The following SEMA6A variants were observed in gnomAD, a reference collection of about 807,000 sequenced individuals.
SEMA6A encodes semaphorin-6A.
In SEMA6A, 25 loss-of-function variants were observed where a neutral mutation model predicts 96.8. The ratio of observed to expected loss-of-function variants is 0.26; its 90% CI spans 0.19 to 0.36. SEMA6A has a LOEUF of 0.36. SEMA6A is among the 10% of genes least tolerant of loss of function. The pLI, the probability that SEMA6A is intolerant of heterozygous loss-of-function variation, is 1.00. For missense variants in SEMA6A, 1,363 were observed against 1,323.1 expected (o/e 1.03, Z -0.47); for synonymous variants, 612 against 518.0 (o/e 1.18, Z -2.46).
chr5:116,545,950 C>CT (rs1461368328), intron 1 of SEMA6A, among the ~76,000 whole-genome samples: 1 of 152,162 alleles, frequency 6.6e-6, no homozygotes, highest in East Asian at 1.9e-4. Flanking sequence ...CCTCATTTGC[C>CT]TTTTAAAGTC....
At chr5:116,555,657 G>T (rs1186896777) in intron 1 of SEMA6A, among the ~76,000 whole-genome samples, 2 of 151,522 alleles carry the variant, frequency 1.3e-5, no homozygotes. Flanking sequence ...TGAGCAACAT[G>T]GCAAGACCCC....
intron 3 of SEMA6A, chr5:116,499,005 GATA>G (rs1757745665): frequency 6.6e-6 from 1 of 152,286 alleles, no homozygotes; most frequent in Middle Eastern, 3.4e-3. Flanking sequence ...TTACAAAGTG[GATA>G]ATAATAAAGC....
At chr5:116,564,474 T>C (rs1354374278) in intron 1 of SEMA6A, among the ~76,000 whole-genome samples, 2 of 152,308 alleles carry the variant, frequency 1.3e-5, no homozygotes, top group African/African-American at 4.8e-5. Flanking sequence ...GAAAGTCCAC[T>C]TGAGAAATGG....
intron 1 of SEMA6A, among the ~76,000 whole-genome samples, chr5:116,543,337 A>G (rs1760054332): frequency 6.6e-6 from 1 of 152,196 alleles, no homozygotes; most frequent in Non-Finnish European, 1.5e-5. Context: ...TCCCACTTCA[A>G]ACTTCACTAT....
intron 16 of SEMA6A, 69 bp downstream of exon 16, chr5:116,475,476 G>C: frequency 9.4e-7 from 1 of 1,067,412 alleles, no homozygotes; most frequent in Non-Finnish European, 1.4e-6. Context: ...CATGTGAGCT[G>C]ATGTTTCTAG....
intron 1 of SEMA6A, among the ~76,000 whole-genome samples, chr5:116,524,563 C>G (rs911095703): frequency 6.6e-6 from 1 of 151,230 alleles, no homozygotes; most frequent in African/African-American, 2.4e-5. Context: ...GGTTCCCTAG[C>G]AAGAAACACA....
At chr5:116,462,837 A>C (rs932367281) in intron 18 of SEMA6A, among the ~76,000 whole-genome samples, 2 of 152,206 alleles carry the variant, frequency 1.3e-5, no homozygotes, top group East Asian at 3.8e-4. Context: ...TCAACTACCA[A>C]TACTACAATT....
chr5:116,513,596 ATTTTC>A (rs200321321), intron 1 of SEMA6A, among the ~76,000 whole-genome samples: 3,589 of 141,416 alleles, frequency 0.025, 61 homozygotes, highest in Middle Eastern at 0.042. Flanking sequence ...CTTCCTCTTG[ATTTTC>A]TTTTTTTTTT....
intron 1 of SEMA6A, among the ~76,000 whole-genome samples, chr5:116,546,174 T>C (rs578200030): frequency 3.4e-4 from 52 of 152,372 alleles, no homozygotes; most frequent in African/African-American, 1.2e-3. Context: ...TCAGGCTTTC[T>C]TATCTCAGCT....
chr5:116,456,840 C>G (rs975546133), intron 18 of SEMA6A, among the ~76,000 whole-genome samples: 2 of 152,178 alleles, frequency 1.3e-5, no homozygotes, highest in Non-Finnish European at 2.9e-5. Flanking sequence ...AACCCACTCC[C>G]TCAACTCAAC....
At position 116,502,293 on chromosome 5, in the gene SEMA6A, C is replaced by G; in HGVS notation, c.135G>C (p.Lys45Asn). Reference protein sequence around the residue: ...TKQYPVFVGHKPGRNTTQRHR... With the variant: ...TKQYPVFVGHNPGRNTTQRHR... ...GCCTCTGTGTGGTGTTCCGTCCTGG[C>G]TTGTGGCCCACAAACACCGGATACT... The change falls in exon 3 of 19, where the codon AAG becomes AAC. Residue 45 changes from lysine to asparagine, a missense_variant. Coordinates refer to ENST00000343348, the MANE Select transcript of SEMA6A (RefSeq NM_020796.5). 1.9e-6 allele frequency: 3 copies of G among 1,613,920 alleles called. No homozygotes were observed. The highest frequency in any genetic ancestry group is 1.1e-5 in the South Asian group (1 of 91,090).
chr5:116,502,196 A>G lies in SEMA6A; in HGVS notation c.218+14T>C. 6.2e-7 allele frequency: 1 copy of G among 1,601,298 alleles called. No homozygotes were observed. The highest frequency in any genetic ancestry group is 8.6e-7 in the Non-Finnish European group (1 of 1,168,664). On this transcript the variant is annotated intron_variant, in intron 3 of 18. Transcript: ENST00000343348. ...GGACACTCTCAAGGCAGACATGGGGAAAAGGCCCCTTACCTAGCAGCAATG... is the reference window on the plus strand; with the variant it reads ...GGACACTCTCAAGGCAGACATGGGGGAAAGGCCCCTTACCTAGCAGCAATG...
chr5:116,478,333 C>T (rs1257253386), intron 13 of SEMA6A, 179 bp from the exon 14 acceptor site: 6 of 762,484 alleles, frequency 7.9e-6, no homozygotes, highest in Non-Finnish European at 1.3e-5. Flanking sequence ...TCTATATAAA[C>T]ACACACACAT....
chr5:116,472,378 C>G (rs1756200906), intron 17 of SEMA6A: 1 of 152,298 alleles, frequency 6.6e-6, no homozygotes, highest in African/African-American at 2.4e-5. Flanking sequence ...TATTCATACT[C>G]TTTTTGAGCT....
chr5:116,493,649 G>T (rs1362338079), intron 6 of SEMA6A, among the ~76,000 whole-genome samples: 1 of 152,066 alleles, frequency 6.6e-6, no homozygotes, highest in East Asian at 1.9e-4. Flanking sequence ...TGGAAGATAA[G>T]TATGAGGGTC....
intron 1 of SEMA6A, among the ~76,000 whole-genome samples, chr5:116,554,299 T>C (rs536605691): frequency 9.8e-5 from 15 of 152,322 alleles, no homozygotes; most frequent in African/African-American, 3.4e-4. Context: ...AAAGTGTCTC[T>C]AGCACTAAAA....
intron 4 of SEMA6A, 38 bp from the exon 5 acceptor site, chr5:116,496,351 G>A: frequency 1.9e-6 from 3 of 1,585,508 alleles, no homozygotes; most frequent in Non-Finnish European, 2.6e-6. Context: ...AGAGCCCAGA[G>A]GTTGTTGCGT....
At chr5:116,447,856 C>G in intron 18 of SEMA6A, 45 bp from the exon 19 acceptor site, 2 of 1,468,540 alleles carry the variant, frequency 1.4e-6, no homozygotes, top group Non-Finnish European at 1.8e-6. Flanking sequence ...AAAGCACACC[C>G]CGAGGCTTGT....
chr5:116,454,497 G>C (rs1057406981), intron 18 of SEMA6A, among the ~76,000 whole-genome samples: 2 of 152,124 alleles, frequency 1.3e-5, no homozygotes, highest in African/African-American at 4.8e-5. Flanking sequence ...CACTAGCCAA[G>C]CATCGCCCCG....
Sources: gnomAD v4.1 joint callset for allele counts (sites outside exome capture counted in the v4.1 genomes callset) on GRCh38, gnomAD v4.1.1 for gene constraint, MANE v1.5 for transcripts, NCBI Gene and HGNC (gene_info 2026-07-23, HGNC 2026-07-21) for gene names.